Variants in SLC9A7 observed in about 807,000 individuals in gnomAD.
SLC9A7 encodes solute carrier family 9 member A7.
SLC9A7 carries 19 observed loss-of-function variants against 52.6 expected under a neutral mutation model. The ratio of observed to expected loss-of-function variants is 0.36; its 90% CI spans 0.25 to 0.53. SLC9A7 has a LOEUF of 0.53. Ranked by LOEUF, SLC9A7 falls within the 20% of genes least tolerant of loss-of-function variation. The probability of loss-of-function intolerance (pLI) is 0.91; values close to 1 mark genes in which losing one functional copy is unlikely to be tolerated. For synonymous variants in SLC9A7, 226 were observed against 252.1 expected (o/e 0.90, Z 0.98); for missense variants, 455 against 597.9 (o/e 0.76, Z 2.49).
intron 3 of SLC9A7, among the ~76,000 whole-genome samples, chrX:46,677,059 G>T (rs1377224346): frequency 1.8e-5 from 2 of 111,828 alleles, no homozygotes; most frequent in Non-Finnish European, 3.8e-5. Context: ...CGTTCCTCAA[G>T]CACCTATTAT....
At chrX:46,625,244 C>CTT (rs202021180) in intron 14 of SLC9A7, among the ~76,000 whole-genome samples, 3 of 95,428 alleles carry the variant, frequency 3.1e-5, no homozygotes, top group Non-Finnish European at 4.2e-5. Flanking sequence ...GAACAGCTTA[C>CTT]TTTTTTTTTT....
At chrX:46,718,001 C>T (rs1274368448) in intron 1 of SLC9A7, among the ~76,000 whole-genome samples, 1 of 111,527 alleles carries the variant, frequency 9.0e-6, no homozygotes, top group Admixed American at 9.6e-5. Flanking sequence ...CAATCCTAAG[C>T]CAAAAGAACA....
At chrX:46,726,319 T>C (rs1365615957) in intron 1 of SLC9A7, among the ~76,000 whole-genome samples, 1 of 111,776 alleles carries the variant, frequency 8.9e-6, no homozygotes, top group African/African-American at 3.3e-5. Context: ...ATATAAGCAC[T>C]GTTAAATTTT....
chrX:46,684,635 T>A, intron 1 of SLC9A7: 1 of 112,586 alleles, frequency 8.9e-6, no homozygotes, highest in East Asian at 2.8e-4. Context: ...CCAAAAGCAG[T>A]CACTTAAGGT....
intron 3 of SLC9A7, 41 bp downstream of exon 3, chrX:46,679,637 A>T: frequency 1.0e-6 from 1 of 988,729 alleles, no homozygotes; most frequent in Non-Finnish European, 1.4e-6. Flanking sequence ...ATTAACACAG[A>T]GATTCACATG....
At chrX:46,758,358 G>A (rs1342089635) in intron 1 of SLC9A7, among the ~76,000 whole-genome samples, 1 of 111,846 alleles carries the variant, frequency 8.9e-6, no homozygotes, top group Non-Finnish European at 1.9e-5. Flanking sequence ...CCCACCTCCA[G>A]CCACCACGCA....
chrX:46,633,336 TAAAAAAAAAAAAAAAAAAAAAAAAAAAA>T (rs397836432), intron 13 of SLC9A7, among the ~76,000 whole-genome samples: 19 of 8,125 alleles, frequency 2.3e-3, no homozygotes, highest in South Asian at 0.016. Flanking sequence ...TTGCTGCTGC[TAAAAAAAAAAAAAAAAAAAAAAAAAAAA>T]AAAAAAAAAA....
intron 1 of SLC9A7, among the ~76,000 whole-genome samples, chrX:46,700,223 T>C (rs1944510507): frequency 8.9e-6 from 1 of 112,521 alleles, no homozygotes; most frequent in Non-Finnish European, 1.9e-5. Context: ...AAATCAGTTG[T>C]ATGAATATTT....
intron 1 of SLC9A7, among the ~76,000 whole-genome samples, chrX:46,744,763 A>T (rs1215359140): frequency 8.9e-6 from 1 of 111,954 alleles, no homozygotes; most frequent in African/African-American, 3.2e-5. Flanking sequence ...TAATTTTTTA[A>T]AAATACCGTG....
In SLC9A7 at chrX:46,599,929, A is replaced by G. The variant is rs1337543216; in HGVS notation, c.*7023T>C. 8.9e-6 allele frequency: 1 copy of G among 112,248 alleles called. No individual in the cohort carries two copies. Among genetic ancestry groups the G allele is most frequent in the Non-Finnish European group, 1.9e-5 (1 of 53,308 alleles). 9.3% of individuals were successfully genotyped at this position (112,248 alleles called of 1,213,427 possible). A position where few individuals can be genotyped will look rare whatever the true frequency, so the allele number is the denominator to read the frequency against. The stretch of plus-strand genomic sequence containing the variant: ...CTATTTTAAAAGTTGCTTTTCAGCT[A>G]TTAAATGAATCTTTATGGCCTTCTC... On this transcript the variant is annotated 3_prime_UTR_variant, in exon 17 of 17. Coordinates refer to ENST00000616978, the MANE Select transcript of SLC9A7 (RefSeq NM_001257291.2).
chrX:46,737,412 G>A (rs1396642364), intron 1 of SLC9A7, among the ~76,000 whole-genome samples: 3 of 112,161 alleles, frequency 2.7e-5, no homozygotes, highest in Non-Finnish European at 5.6e-5. Context: ...GTAAGCAAAT[G>A]TTCAGGTCCT....
chrX:46,609,943 G>A (rs1251234435), intron 16 of SLC9A7, among the ~76,000 whole-genome samples: 5 of 111,656 alleles, frequency 4.5e-5, no homozygotes, highest in Admixed American at 1.9e-4. Context: ...CACGAGAATC[G>A]CTTGAACCCG....
intron 16 of SLC9A7, among the ~76,000 whole-genome samples, chrX:46,608,079 C>T (rs1383424327): frequency 8.9e-6 from 1 of 112,444 alleles, no homozygotes; most frequent in Admixed American, 9.4e-5. Flanking sequence ...GCCTCCAGGG[C>T]GCCGAACTGG....
Position 46,603,858 on chromosome X carries a change from CAAA to C in SLC9A7, c.*3091_*3093del, listed in dbSNP as rs1412690102. On this transcript the variant is annotated 3_prime_UTR_variant, in exon 17 of 17. Coordinates refer to ENST00000616978, the MANE Select transcript of SLC9A7 (RefSeq NM_001257291.2). ...CATCTAAAAACAAAACAAAACAAAACAAAAAACAAACAACAACAACACAACAAC... is the reference window on the plus strand; with the variant it reads ...CATCTAAAAACAAAACAAAACAAAACAAACAAACAACAACAACACAACAAC... The C allele has an allele frequency of 9.0e-6, 1 of 111,024 alleles. No individual in the cohort carries two copies. Among genetic ancestry groups the C allele is most frequent in the Non-Finnish European group, 1.9e-5 (1 of 53,100 alleles). 9.1% of individuals were successfully genotyped at this position (111,024 alleles called of 1,213,427 possible).
chrX:46,687,052 G>T (rs929522855), intron 1 of SLC9A7, among the ~76,000 whole-genome samples: 6 of 112,098 alleles, frequency 5.4e-5, no homozygotes, highest in African/African-American at 1.9e-4. Context: ...GCAACGTGTG[G>T]TTTAAAAATC....
At chrX:46,661,981 T>TA (rs1569512804) in intron 7 of SLC9A7, 35 bp downstream of exon 7, 1 of 1,148,318 alleles carries the variant, frequency 8.7e-7, no homozygotes, top group South Asian at 2.0e-5. Context: ...CACACACGCA[T>TA]ACCCAGGCCC....
intron 1 of SLC9A7, among the ~76,000 whole-genome samples, chrX:46,738,453 A>C (rs998420127): frequency 8.9e-6 from 1 of 112,180 alleles, no homozygotes; most frequent in African/African-American, 3.2e-5. Context: ...GAATTATAGA[A>C]ATTGAAGAAA....
chrX:46,670,357 G>A (rs1188339320), intron 4 of SLC9A7, among the ~76,000 whole-genome samples: 2 of 112,045 alleles, frequency 1.8e-5, no homozygotes, highest in Admixed American at 9.4e-5. Flanking sequence ...AGACTATGAC[G>A]TGGGCTAAGA....
At chrX:46,671,577 C>T (rs1472271666) in intron 4 of SLC9A7, among the ~76,000 whole-genome samples, 2 of 111,870 alleles carry the variant, frequency 1.8e-5, no homozygotes, top group Non-Finnish European at 3.8e-5. Flanking sequence ...CCAGACTTTG[C>T]TCATTTTTGA....
Sources: allele counts gnomAD v4.1 joint callset (sites outside exome capture counted in the v4.1 genomes callset), GRCh38; gene constraint gnomAD v4.1.1; transcripts MANE v1.5; gene names NCBI Gene and HGNC (gene_info 2026-07-23, HGNC 2026-07-21).